CACNA2D1: variants seen among roughly 807,000 people sequenced by gnomAD.
CACNA2D1 encodes calcium voltage-gated channel auxiliary subunit alpha2delta 1, also known as voltage-dependent calcium channel subunit alpha-2/delta-1.
Under a neutral mutation model 171.5 loss-of-function variants are expected in CACNA2D1, and 53 were observed. That is an observed-to-expected ratio of 0.31 (90% CI 0.25 to 0.39). CACNA2D1 has a LOEUF of 0.39. Among genes scored for constraint, CACNA2D1 ranks in the 10% least tolerant of loss-of-function variants. The pLI, the probability that CACNA2D1 is intolerant of heterozygous loss-of-function variation, is 1.00. For synonymous variants in CACNA2D1, 442 were observed against 443.1 expected, an observed-to-expected ratio of 1.00 and a Z score of 0.03; for missense variants, 903 against 1,299.8, an observed-to-expected ratio of 0.69 and a Z score of 4.69.
chr7:82,113,542 C>T (rs569401404), intron 6 of CACNA2D1, among the ~76,000 whole-genome samples: 2 of 152,222 alleles, frequency 1.3e-5, no homozygotes, highest in African/African-American at 4.8e-5. Context: ...GAAATAATCA[C>T]ATTTCAATTC....
chr7:82,193,694 T>C (rs890062784), intron 3 of CACNA2D1, among the ~76,000 whole-genome samples: 8 of 152,022 alleles, frequency 5.3e-5, no homozygotes, highest in Non-Finnish European at 1.0e-4. Flanking sequence ...GAAATTTATC[T>C]TCCCCCCAAC....
chr7:82,291,372 T>G (rs1368808645), intron 3 of CACNA2D1, among the ~76,000 whole-genome samples: 1 of 135,664 alleles, frequency 7.4e-6, no homozygotes, highest in Admixed American at 7.8e-5. Flanking sequence ...ATAGATATCT[T>G]TATACATCTA....
intron 4 of CACNA2D1, among the ~76,000 whole-genome samples, chr7:82,140,722 G>A (rs1031189851): frequency 2.0e-5 from 3 of 152,142 alleles, no homozygotes; most frequent in Admixed American, 6.5e-5. Flanking sequence ...TTGGGAGGCC[G>A]AGGCGGGTGG....
intron 11 of CACNA2D1, among the ~76,000 whole-genome samples, chr7:82,036,960 T>A (rs1438404487): frequency 6.6e-6 from 1 of 152,126 alleles, no homozygotes; most frequent in African/African-American, 2.4e-5. Flanking sequence ...CATGCCAGGT[T>A]CCGTGGACAA....
chr7:82,356,454 C>A (rs2129446682), intron 1 of CACNA2D1, among the ~76,000 whole-genome samples: 1 of 152,210 alleles, frequency 6.6e-6, no homozygotes, highest in East Asian at 1.9e-4. Context: ...TAAAAATATT[C>A]TCGTCTCTCC....
intron 3 of CACNA2D1, among the ~76,000 whole-genome samples, chr7:82,195,867 A>C (rs1798800896): frequency 6.6e-6 from 1 of 151,974 alleles, no homozygotes; most frequent in African/African-American, 2.4e-5. Flanking sequence ...AAAGGGTCTT[A>C]ACTCAGCTGC....
chr7:82,167,570 A>G (rs951472771), intron 4 of CACNA2D1, among the ~76,000 whole-genome samples: 7 of 151,926 alleles, frequency 4.6e-5, no homozygotes, highest in Non-Finnish European at 8.8e-5. Context: ...ACCTTCTATC[A>G]CTCTATGGCA....
intron 6 of CACNA2D1, among the ~76,000 whole-genome samples, chr7:82,095,512 AT>A (rs1241270658): frequency 6.6e-6 from 1 of 152,212 alleles, no homozygotes; most frequent in Non-Finnish European, 1.5e-5. Context: ...AAACTATACA[AT>A]TGCACAGACT....
chr7:82,189,135 A>G (rs971991199), intron 3 of CACNA2D1, among the ~76,000 whole-genome samples: 6 of 152,034 alleles, frequency 3.9e-5, no homozygotes, highest in Admixed American at 3.9e-4. Context: ...ATTTATCTGT[A>G]TAACAAACCT....
chr7:82,128,859 G>A (rs1486009097), intron 5 of CACNA2D1, among the ~76,000 whole-genome samples: 1 of 152,030 alleles, frequency 6.6e-6, no homozygotes, highest in African/African-American at 2.4e-5. Context: ...GTGTTCTGAG[G>A]AGTCTATCTT....
chr7:82,094,402 T>C (rs944693784), intron 6 of CACNA2D1, among the ~76,000 whole-genome samples: 3 of 152,200 alleles, frequency 2.0e-5, no homozygotes, highest in Admixed American at 6.5e-5. Context: ...CACATATACA[T>C]GTATGCATAC....
chr7:81,963,181 T>G (rs1304024062), intron 34 of CACNA2D1, among the ~76,000 whole-genome samples: 1 of 151,962 alleles, frequency 6.6e-6, no homozygotes, highest in African/African-American at 2.4e-5. Flanking sequence ...GAAAATACCA[T>G]TTTTCAGAAT....
chr7:82,335,215 G>T lies in CACNA2D1; in HGVS notation c.214C>A (p.Pro72Thr), dbSNP rs761234382. The change falls in exon 3 of 39, where the codon CCA becomes ACA. Residue 72 changes from proline to threonine, a missense_variant. This residue lies in a region of CACNA2D1 where 189 missense variants were observed against 266.8 expected (regional missense o/e 0.71). Coordinates refer to ENST00000356860, the MANE Select transcript of CACNA2D1 (RefSeq NM_000722.4). ...EKYQDLYTVE[P>T]NNARQLVEIA... ...TCTACCAGCTGGCGTGCATTATTTGGTTCCACAGTATACAAATCTTGATAT... is the reference window on the plus strand; with the variant it reads ...TCTACCAGCTGGCGTGCATTATTTGTTTCCACAGTATACAAATCTTGATAT... 2.5e-6 allele frequency: 4 copies of T among 1,611,118 alleles called. No homozygotes were observed. Among genetic ancestry groups the T allele is most frequent in the Non-Finnish European group, 3.4e-6 (4 of 1,177,802 alleles).
At chr7:82,096,051 A>T (rs1811823919) in intron 6 of CACNA2D1, among the ~76,000 whole-genome samples, 1 of 152,154 alleles carries the variant, frequency 6.6e-6, no homozygotes, top group South Asian at 2.1e-4. Flanking sequence ...TAATCATCTC[A>T]TTTCTGTCAG....
intron 1 of CACNA2D1, among the ~76,000 whole-genome samples, chr7:82,436,064 T>C (rs1361749129): frequency 2.6e-5 from 4 of 152,190 alleles, no homozygotes; most frequent in Non-Finnish European, 5.9e-5. Flanking sequence ...TGCTAATGTT[T>C]TCCTTAGGGA....
intron 3 of CACNA2D1, among the ~76,000 whole-genome samples, chr7:82,258,668 G>A (rs1806605994): frequency 6.6e-6 from 1 of 151,972 alleles, no homozygotes; most frequent in African/African-American, 2.4e-5. Flanking sequence ...TATTAATCAT[G>A]CCTCTGTCTT....
intron 12 of CACNA2D1, among the ~76,000 whole-genome samples, chr7:82,014,971 G>C (rs1431514682): frequency 6.6e-6 from 1 of 152,080 alleles, no homozygotes; most frequent in Non-Finnish European, 1.5e-5. Flanking sequence ...AGAATTGCTT[G>C]AACCAGGGAG....
chr7:82,037,947 A>C, intron 11 of CACNA2D1, 130 bp downstream of exon 11: 1 of 860,312 alleles, frequency 1.2e-6, no homozygotes. Context: ...TTCTGCCTGC[A>C]CACATCTGTG....
At chr7:82,328,939 C>G (rs1053388796) in intron 3 of CACNA2D1, among the ~76,000 whole-genome samples, 1 of 152,148 alleles carries the variant, frequency 6.6e-6, no homozygotes, top group African/African-American at 2.4e-5. Flanking sequence ...CTTTGAGTCT[C>G]TAAAGAATTT....
Sources: allele counts gnomAD v4.1 joint callset (sites outside exome capture counted in the v4.1 genomes callset), GRCh38; gene constraint gnomAD v4.1.1; regional missense constraint gnomAD v4.1.1; transcripts MANE v1.5; gene names NCBI Gene and HGNC (gene_info 2026-07-23, HGNC 2026-07-21).